The following FBXW8 variants were observed in gnomAD, a reference collection of about 807,000 sequenced individuals.
The protein encoded by FBXW8 is F-box and WD repeat domain containing 8, also known as F-box/WD repeat-containing protein 8.
A neutral mutation model predicts 65.3 loss-of-function variants in FBXW8; 57 were observed. The ratio of observed to expected loss-of-function variants is 0.87; its 90% CI spans 0.71 to 1.09. FBXW8 has a LOEUF of 1.09. Ranked by LOEUF, FBXW8 falls within the 50% of genes least tolerant of loss-of-function variation. The pLI, the probability that FBXW8 is intolerant of heterozygous loss-of-function variation, is 0.00. For synonymous variants in FBXW8, 308 were observed against 330.2 expected (o/e 0.93, Z 0.73); for missense variants, 777 against 814.8 (o/e 0.95, Z 0.57).
intron 7 of FBXW8, among the ~76,000 whole-genome samples, chr12:117,003,329 A>G (rs184961203): frequency 1.3e-5 from 2 of 152,326 alleles, no homozygotes; most frequent in East Asian, 1.9e-4. Flanking sequence ...CAGGTATCCA[A>G]AGGAGCTTCT....
intron 3 of FBXW8, among the ~76,000 whole-genome samples, chr12:116,946,504 A>G (rs797001673): frequency 4.6e-5 from 7 of 152,128 alleles, no homozygotes; most frequent in African/African-American, 1.7e-4. Flanking sequence ...GCCTCTCCCC[A>G]TTAGACGCCA....
Position 117,028,455 on chromosome 12 carries a change from G to A in FBXW8, c.*283G>A. ...CCTCAGCTCCCTCAGGACGCCTCAG[G>A]GATCTCGCTGCGCGGTCCTATACGG... On this transcript the variant is annotated 3_prime_UTR_variant, in exon 11 of 11. Coordinates refer to ENST00000652555, the MANE Select transcript of FBXW8 (RefSeq NM_153348.3). This position sits in a 1 kb window ranked among gnomAD's most constrained non-coding sequence, Gnocchi z 4.1. The A allele has an allele frequency of 4.2e-6, 2 of 474,906 alleles. No individual in the cohort carries two copies. Among genetic ancestry groups the A allele is most frequent in the South Asian group, 4.5e-5 (2 of 44,542 alleles). The allele number at this position is 474,906 out of a possible 1,614,324, so 29.4% of individuals were successfully genotyped here.
chr12:116,976,386 TAA>T (rs35871383), intron 5 of FBXW8, among the ~76,000 whole-genome samples: 65 of 133,608 alleles, frequency 4.9e-4, no homozygotes, highest in East Asian at 1.5e-3. Flanking sequence ...CCCTTTTCTT[TAA>T]AAAAAAAAAA....
intron 7 of FBXW8, among the ~76,000 whole-genome samples, chr12:116,998,111 G>A (rs540892656): frequency 9.2e-5 from 14 of 152,246 alleles, no homozygotes; most frequent in South Asian, 2.1e-4. Context: ...GAGCCACCGC[G>A]CCTGGCCCCC....
intron 7 of FBXW8, chr12:117,002,958 T>C (rs537318174): frequency 6.6e-6 from 1 of 152,384 alleles, no homozygotes; most frequent in South Asian, 2.1e-4. Context: ...ATCTTACTTT[T>C]GTTGGGTCAG....
At chr12:116,983,641 T>TA (rs1555222660) in intron 5 of FBXW8, among the ~76,000 whole-genome samples, 1 of 152,190 alleles carries the variant, frequency 6.6e-6, no homozygotes, top group Non-Finnish European at 1.5e-5. Context: ...GATAGGAAGA[T>TA]ACACTGCCAA....
intron 2 of FBXW8, among the ~76,000 whole-genome samples, chr12:116,932,606 G>A (rs1368402947): frequency 6.6e-6 from 1 of 152,168 alleles, no homozygotes; most frequent in Admixed American, 6.5e-5. Flanking sequence ...CGCGATCTCG[G>A]CTCACTGCAA....
At chr12:116,939,768 C>G (rs1882428786) in intron 2 of FBXW8, among the ~76,000 whole-genome samples, 1 of 152,162 alleles carries the variant, frequency 6.6e-6, no homozygotes, top group Non-Finnish European at 1.5e-5. Flanking sequence ...TTATTTAACC[C>G]TGAATTCCAG....
At position 117,030,364 on chromosome 12, in the gene FBXW8, T is replaced by A. The variant is rs1954331258; in HGVS notation, c.*2192T>A. The A allele has an allele frequency of 6.6e-6, 1 of 152,152 alleles. No homozygotes were observed. The highest frequency in any genetic ancestry group is 2.4e-5 in the African/African-American group (1 of 41,440). 9.4% of individuals were successfully genotyped at this position (152,152 alleles called of 1,614,324 possible). ...TTCCTAAGTGGAGATGGCCTGTAGG[T>A]AGCAAATGCAGGATTTTGTTTACTT... On this transcript the variant is annotated 3_prime_UTR_variant, in exon 11 of 11. Transcript: ENST00000652555.
rs146630044 is a variant in FBXW8 at position 116,921,078 on chromosome 12, T to G, written c.319-6945T>G. 6.5e-3 allele frequency among the ~76,000 whole-genome samples: 992 copies of G among 152,290 alleles called. 1 individual carries two copies. The highest frequency in any genetic ancestry group is 0.011 in the Non-Finnish European group (773 of 68,018). On this transcript the variant is annotated intron_variant, in intron 1 of 10. Coordinates refer to ENST00000652555, the MANE Select transcript of FBXW8 (RefSeq NM_153348.3). ...GCCTCCTGGGATTTCCCCCAGCACT[T>G]GCATTTCTTTAGATTGGCATCTTCT...
intron 4 of FBXW8, among the ~76,000 whole-genome samples, chr12:116,962,686 G>T (rs1049861781): frequency 6.6e-6 from 1 of 152,136 alleles, no homozygotes. Flanking sequence ...TCTGAAAGAC[G>T]TTGCCATCCT....
intron 7 of FBXW8, among the ~76,000 whole-genome samples, chr12:117,006,493 A>G (rs915713839): frequency 6.6e-6 from 1 of 152,236 alleles, no homozygotes; most frequent in Middle Eastern, 3.2e-3. Context: ...CCACACCTGG[A>G]TGCTGCGGGG....
At chr12:116,976,687 A>G (rs913886453) in intron 5 of FBXW8, among the ~76,000 whole-genome samples, 10 of 151,458 alleles carry the variant, frequency 6.6e-5, no homozygotes, top group African/African-American at 2.4e-4. Flanking sequence ...GCTGGTCTCA[A>G]ACTCCTAGCC....
rs1048432080 is a variant in FBXW8, at chr12:116,985,585, A to C, written c.1032+183A>C. On this transcript the variant is annotated intron_variant, in intron 6 of 10. Transcript: ENST00000652555. ...CATTTTCCCCATTTACCAAGAAGCC[A>C]CTTCAGGCTGCTTAGAGCAGTGAAC... The C allele has an allele frequency of 2.0e-5, 12 of 605,022 alleles. No individual in the cohort carries two copies. The Admixed American group carries it at 3.4e-4, about 17-fold the overall frequency. The allele number at this position is 605,022 out of a possible 1,614,324, so 37.5% of individuals were successfully genotyped here.
At chr12:116,963,670 T>C (rs572242860) in intron 4 of FBXW8, among the ~76,000 whole-genome samples, 1 of 152,310 alleles carries the variant, frequency 6.6e-6, no homozygotes, top group South Asian at 2.1e-4. Flanking sequence ...ACTTCACTAA[T>C]GTGTCACATC....
At chr12:116,955,046 G>GC (rs969825497) in intron 4 of FBXW8, among the ~76,000 whole-genome samples, 1 of 150,874 alleles carries the variant, frequency 6.6e-6, no homozygotes, top group Non-Finnish European at 1.5e-5. Flanking sequence ...TGGGGGGGGG[G>GC]GGCCCTGTAT....
In FBXW8 at chr12:116,928,045, T is replaced by A. The variant is rs772677072; in HGVS notation, c.341T>A (p.Phe114Tyr). ...CAGAATGAAATGAATGATGTGCCTT[T>A]CTTTGATATCCAACTGCCTTACGAA... is the stretch of plus-strand genomic sequence containing the variant. ...RDLNEMNDVP[F>Y]FDIQLPYELA... Residue 114 changes from phenylalanine to tyrosine, a missense_variant, in exon 2 of 11, where the codon TTC (phenylalanine) becomes TAC (tyrosine). Coordinates refer to ENST00000652555, the MANE Select transcript of FBXW8 (RefSeq NM_153348.3). 1 of 1,606,646 alleles carries A rather than the reference T, an allele frequency of 6.2e-7. No homozygotes were observed. The highest frequency in any genetic ancestry group is 8.5e-7 in the Non-Finnish European group (1 of 1,176,794).
intron 8 of FBXW8, among the ~76,000 whole-genome samples, chr12:117,016,816 G>GAGGT (rs1342465377): frequency 6.6e-6 from 1 of 152,164 alleles, no homozygotes; most frequent in Non-Finnish European, 1.5e-5. Flanking sequence ...TATATGGTGT[G>GAGGT]AGGTAGAGAC....
At chr12:116,992,761 G>GGTTGTGT (rs1555223675) in intron 7 of FBXW8, among the ~76,000 whole-genome samples, 1 of 143,550 alleles carries the variant, frequency 7.0e-6, no homozygotes, top group Non-Finnish European at 1.5e-5. Context: ...ATTATTCCAT[G>GGTTGTGT]GTGTGTGTGT....
Sources: allele counts gnomAD v4.1 joint callset (sites outside exome capture counted in the v4.1 genomes callset), GRCh38; gene constraint gnomAD v4.1.1; non-coding constraint Gnocchi (gnomAD v3.1); transcripts MANE v1.5; gene names NCBI Gene and HGNC (gene_info 2026-07-23, HGNC 2026-07-21).